LRP4: variants seen among roughly 807,000 people sequenced by gnomAD.
LRP4 encodes low-density lipoprotein receptor-related protein 4.
In LRP4, 95 loss-of-function variants were observed where a neutral mutation model predicts 220.3. That is an observed-to-expected ratio of 0.43 (90% CI 0.37 to 0.51). The LOEUF (loss-of-function observed/expected upper bound fraction) is 0.51. Ranked by LOEUF, LRP4 falls within the 20% of genes least tolerant of loss-of-function variation. The probability of loss-of-function intolerance (pLI) is 0.00; values close to 1 mark genes in which losing one functional copy is unlikely to be tolerated. For missense variants in LRP4, 1,925 were observed against 2,567.0 expected (o/e 0.75, Z 5.40); for synonymous variants, 903 against 954.6 (o/e 0.95, Z 1.00).
rs773902775 is a variant in LRP4 at position 46,864,469 on chromosome 11, A to G, written c.5222T>C (p.Ile1741Thr). ...LLSILLILVVIAALMLYRHKK... is the reference protein window; with the variant it reads ...LLSILLILVVTAALMLYRHKK... ...TTACCTGTACAGCATCAAAGCTGCA[A>G]TCACCACCAAAATCAGCAGAATACT... Residue 1741 changes from isoleucine to threonine, a missense_variant, in exon 36 of 38, where the codon ATT becomes ACT. Physicochemically the swap from Ile to Thr is moderately conservative, Grantham distance 89. Coordinates refer to ENST00000378623, the MANE Select transcript of LRP4 (RefSeq NM_002334.4). 2.5e-6 allele frequency: 4 copies of G among 1,613,808 alleles called. No individual in the cohort carries two copies. The highest frequency in any genetic ancestry group is 2.7e-5 in the African/African-American group (2 of 75,050).
intron 22 of LRP4, 131 bp from the exon 23 acceptor site, chr11:46,877,470 A>G: frequency 1.0e-6 from 1 of 983,878 alleles, no homozygotes; most frequent in East Asian, 2.6e-5. Context: ...AGTTATTTAA[A>G]TTATTATTAT....
At chr11:46,916,509 T>C (rs1313833935) in intron 1 of LRP4, among the ~76,000 whole-genome samples, 2 of 152,048 alleles carry the variant, frequency 1.3e-5, no homozygotes, top group East Asian at 1.9e-4. Context: ...TGTGAAACAT[T>C]AGACATACGC....
intron 10 of LRP4, among the ~76,000 whole-genome samples, chr11:46,895,580 CA>C (rs1189269633): frequency 6.6e-6 from 1 of 151,746 alleles, no homozygotes; most frequent in African/African-American, 2.4e-5. Flanking sequence ...GGCTCCATCT[CA>C]AAAAAATAAA....
In LRP4 at chr11:46,896,235, G is replaced by A. The variant is rs200097836; in HGVS notation, c.1023C>T (p.Ser341=). The change falls in exon 9 of 38, where the codon AGC becomes AGT. Residue 341 remains serine (S), a synonymous_variant. Transcript: ENST00000378623. ...CNGVNDCGDN[S]DESPQQNCRP... ...GGCAATTCTGCTGTGGGCTTTCGTC[G>A]CTGTTGTCACCACAGTCGTTGACCC... 5.0e-5 allele frequency: 80 copies of A among 1,613,918 alleles called. No individual in the cohort carries two copies. The highest frequency in any genetic ancestry group is 9.3e-5 in the African/African-American group (7 of 74,934).
At chr11:46,903,542 C>T (rs1941708062) in intron 1 of LRP4, among the ~76,000 whole-genome samples, 1 of 152,072 alleles carries the variant, frequency 6.6e-6, no homozygotes, top group African/African-American at 2.4e-5. Flanking sequence ...TGATGCCACT[C>T]AGAGGTTTGG....
intron 15 of LRP4, 28 bp from the exon 16 acceptor site, chr11:46,889,561 T>A: frequency 6.2e-7 from 1 of 1,611,754 alleles, no homozygotes; most frequent in Non-Finnish European, 8.5e-7. Flanking sequence ...GGCAAGAGGA[T>A]CAGCGAAGGT....
intron 18 of LRP4, among the ~76,000 whole-genome samples, chr11:46,885,790 A>C (rs1941277035): frequency 6.6e-6 from 1 of 151,750 alleles, no homozygotes; most frequent in African/African-American, 2.4e-5. Context: ...AAAAAAAAAA[A>C]AGGCTGATTT....
chr11:46,879,105 T>A (rs1941089490), intron 21 of LRP4, 21 bp downstream of exon 21: 1 of 1,614,056 alleles, frequency 6.2e-7, no homozygotes. Context: ...GAGAAGCCAA[T>A]GCGAGCCAAG....
At chr11:46,917,088 C>T (rs1229025472) in intron 1 of LRP4, among the ~76,000 whole-genome samples, 2 of 152,238 alleles carry the variant, frequency 1.3e-5, no homozygotes, top group Non-Finnish European at 1.5e-5. Flanking sequence ...CATGAAAACT[C>T]TGTTTTGGAT....
intron 16 of LRP4, among the ~76,000 whole-genome samples, chr11:46,888,573 A>AAAAAAAAAAAAAAAAAT (rs1565792099): frequency 6.7e-6 from 1 of 150,104 alleles, no homozygotes; most frequent in African/African-American, 2.5e-5. Context: ...AAAAAAAAAA[A>AAAAAAAAAAAAAAAAAT]GAATGCAAGG....
In LRP4 at chr11:46,858,873, G is replaced by A. The variant is rs1035162509; in HGVS notation, c.*110C>T. The A allele has an allele frequency of 9.8e-7, 1 of 1,021,720 alleles. No homozygotes were observed. Among genetic ancestry groups the A allele is most frequent in the Non-Finnish European group, 1.5e-6 (1 of 649,334 alleles). The allele number at this position is 1,021,720 out of a possible 1,614,324, so 63.3% of individuals were successfully genotyped here. On this transcript the variant is annotated 3_prime_UTR_variant, in exon 38 of 38. Transcript: ENST00000378623. ...GCTTAGGAACAGTTATGGGGTGGGAGGAGGAGGAGGACAAGCACACAGAAG... is the reference window on the plus strand; with the variant it reads ...GCTTAGGAACAGTTATGGGGTGGGAAGAGGAGGAGGACAAGCACACAGAAG...
chr11:46,897,334 C>CTTTTTTTT (rs60604776), intron 7 of LRP4, among the ~76,000 whole-genome samples: 1 of 128,094 alleles, frequency 7.8e-6, no homozygotes. Context: ...GCCTGTTTGT[C>CTTTTTTTT]TTTTTTTTTT....
At position 46,873,625 on chromosome 11, in the gene LRP4, C is replaced by G. The variant is rs1192570786; in HGVS notation, c.4230-32G>C. The G allele has an allele frequency of 6.4e-7, 1 of 1,558,552 alleles. No homozygotes were observed. Among genetic ancestry groups the G allele is most frequent in the African/African-American group, 1.4e-5 (1 of 73,960 alleles). On this transcript the variant is annotated intron_variant, in intron 28 of 37. Transcript: ENST00000378623. The surrounding 1 kb of genome is among the most constrained non-coding windows in gnomAD (Gnocchi z 4.2). ...GAGAGCCCAGTGTTGGATGAGCAACCAGACTGACCCAGAATAGAGTAGAAC... is the reference window on the plus strand; with the variant it reads ...GAGAGCCCAGTGTTGGATGAGCAACGAGACTGACCCAGAATAGAGTAGAAC...
At chr11:46,860,707 G>A (rs1413631233) in intron 37 of LRP4, among the ~76,000 whole-genome samples, 5 of 152,180 alleles carry the variant, frequency 3.3e-5, no homozygotes, top group Non-Finnish European at 7.3e-5. Context: ...TGCCCTCTGA[G>A]AGTGACAGTC....
At chr11:46,872,991 C>A in intron 30 of LRP4, 109 bp downstream of exon 30, 2 of 1,436,548 alleles carry the variant, frequency 1.4e-6, no homozygotes, top group Non-Finnish European at 2.0e-6. Context: ...ATTCCTCTTC[C>A]CCACATACCA....
Position 46,899,595 on chromosome 11 carries a change from C to T in LRP4, c.431-92G>A, listed in dbSNP as rs1941622750. The T allele has an allele frequency of 9.3e-6, 9 of 964,156 alleles. No individual in the cohort carries two copies. The highest frequency in any genetic ancestry group is 2.4e-5 in the East Asian group (1 of 41,984). The allele number at this position is 964,156 out of a possible 1,614,324, so 59.7% of individuals were successfully genotyped here. A position where few individuals can be genotyped will look rare whatever the true frequency, so the allele number is the denominator to read the frequency against. On this transcript the variant is annotated intron_variant, in intron 4 of 37. Transcript: ENST00000378623. The surrounding 1 kb of genome is among the most constrained non-coding windows in gnomAD (Gnocchi z 5.9). ...TGACTCCCAACCTCACTGGCTTTGG[C>T]GGGTCTGACCTAGCCCCCGAAAGGC...
intron 25 of LRP4, 61 bp downstream of exon 25, chr11:46,876,405 C>G: frequency 6.2e-7 from 1 of 1,602,348 alleles, no homozygotes; most frequent in Non-Finnish European, 8.6e-7. Context: ...ACCTTTACCC[C>G]GTCATAACCC....
chr11:46,882,272 A>C (rs1941179415), intron 19 of LRP4, among the ~76,000 whole-genome samples: 1 of 152,088 alleles, frequency 6.6e-6, no homozygotes, highest in Non-Finnish European at 1.5e-5. Context: ...ACTTGAGCCC[A>C]GAAGTTTGAG....
rs972275331 is a variant in LRP4 at position 46,873,119 on chromosome 11, G to A, written c.4564C>T (p.Leu1522=). The change falls in exon 30 of 38, where the codon CTG becomes TTG. Residue 1522 remains leucine (L), a synonymous_variant. Coordinates refer to ENST00000378623, the MANE Select transcript of LRP4 (RefSeq NM_002334.4). This position sits in a 1 kb window ranked among gnomAD's most constrained non-coding sequence, Gnocchi z 4.2. Reference sequence around the variant, plus strand: ...TCCCACCTGCGGGTATCATAGTCCAGGGTAAGGCCATTGGGCCAACCCAGG... The same window carrying A: ...TCCCACCTGCGGGTATCATAGTCCAAGGTAAGGCCATTGGGCCAACCCAGG... The part of the protein sequence containing the change: ...TDLGWPNGLT[L]DYDTRRIYWV... The A allele has an allele frequency of 2.5e-6, 4 of 1,614,190 alleles. No homozygotes were observed. Among genetic ancestry groups the A allele is most frequent in the Non-Finnish European group, 3.4e-6 (4 of 1,180,030 alleles).
Sources: allele counts gnomAD v4.1 joint callset (sites outside exome capture counted in the v4.1 genomes callset), GRCh38; gene constraint gnomAD v4.1.1; non-coding constraint Gnocchi (gnomAD v3.1); transcripts MANE v1.5; gene names NCBI Gene and HGNC (gene_info 2026-07-23, HGNC 2026-07-21).